Variants in DENND3 observed in about 807,000 individuals in gnomAD.
The protein encoded by DENND3 is DENN domain-containing protein 3.
A neutral mutation model predicts 135.1 loss-of-function variants in DENND3; 88 were observed. The ratio of observed to expected loss-of-function variants is 0.65; its 90% confidence interval spans 0.55 to 0.78. DENND3 has a LOEUF of 0.78. DENND3 is among the 30% of genes least tolerant of loss of function. The probability of loss-of-function intolerance (pLI) is 0.00; values close to 1 mark genes in which losing one functional copy is unlikely to be tolerated. For synonymous variants in DENND3, 693 were observed against 712.3 expected (o/e 0.97, Z 0.43); for missense variants, 1,392 against 1,688.4 (o/e 0.82, Z 3.08).
chr8:141,189,295 G>A, intron 19 of DENND3, 149 bp downstream of exon 19: 1 of 1,112,164 alleles, frequency 9.0e-7, no homozygotes. Context: ...GCTGGGTGGT[G>A]TCCTCGGTCT....
At chr8:141,145,873 G>T (rs1187928595) in intron 5 of DENND3, among the ~76,000 whole-genome samples, 1 of 125,854 alleles carries the variant, frequency 7.9e-6, no homozygotes, top group African/African-American at 3.1e-5. Context: ...TTTTGAGGCG[G>T]AGTCTTGCTC....
At chr8:141,147,860 T>C (rs1818354148) in intron 5 of DENND3, among the ~76,000 whole-genome samples, 1 of 152,192 alleles carries the variant, frequency 6.6e-6, no homozygotes, top group Non-Finnish European at 1.5e-5. Flanking sequence ...CTCGGATTGC[T>C]GTGTTAGCCA....
chr8:141,161,238 A>T lies in DENND3; in HGVS notation c.1352+451A>T, dbSNP rs1820097820. Reference sequence around the variant, plus strand: ...GAGGGCTCTGTCCCGAGAGGCCTGCATCCAGGGGCTAGTGAGGGACAGACA... The same window carrying T: ...GAGGGCTCTGTCCCGAGAGGCCTGCTTCCAGGGGCTAGTGAGGGACAGACA... On this transcript the variant is annotated intron_variant, in intron 9 of 22. Coordinates refer to ENST00000519811, the MANE Select transcript of DENND3 (RefSeq NM_001352890.3). Among the ~76,000 whole-genome samples, 3 of 152,222 alleles carry T rather than the reference A, an allele frequency of 2.0e-5. No homozygotes were observed. In the South Asian group the frequency reaches 6.2e-4, roughly 32 times the overall value.
At chr8:141,171,844 GCA>G (rs1589660328) in intron 13 of DENND3, among the ~76,000 whole-genome samples, 3 of 148,518 alleles carry the variant, frequency 2.0e-5, no homozygotes, top group Non-Finnish European at 3.0e-5. Context: ...TGGTAGGCGT[GCA>G]CAGTGCCTAG....
intron 10 of DENND3, 33 bp from the exon 11 acceptor site, chr8:141,165,153 C>T (rs749904727): frequency 5.1e-6 from 8 of 1,577,968 alleles, no homozygotes; most frequent in Non-Finnish European, 7.0e-6. Flanking sequence ...GGAGTCGGCA[C>T]AGCCCAGTGA....
rs34463965 is a variant in DENND3, at chr8:141,195,209, A to C, written c.*976A>C. ...GAGACCCTTTGCACCTTTTTACTGT[A>C]ATGTTGAGACTTCATTACTTAAATG... On this transcript the variant is annotated 3_prime_UTR_variant, in exon 23 of 23. Transcript: ENST00000519811. The C allele has an allele frequency of 0.14, 20,586 of 152,356 alleles. 1,781 individuals are homozygous for C. Among genetic ancestry groups the C allele is most frequent in the Non-Finnish European group, 0.19 (12,642 of 68,040 alleles). 9.4% of individuals were successfully genotyped at this position (152,356 alleles called of 1,614,324 possible).
chr8:141,164,155 C>G (rs1820479721), intron 10 of DENND3, among the ~76,000 whole-genome samples: 1 of 152,200 alleles, frequency 6.6e-6, no homozygotes, highest in African/African-American at 2.4e-5. Flanking sequence ...TGCGCTCTGT[C>G]TGCCTCTCTC....
Position 141,182,417 on chromosome 8 carries a change from G to A in DENND3, c.2944+1563G>A. On this transcript the variant is annotated intron_variant, in intron 17 of 22. Transcript: ENST00000519811. The surrounding 1 kb of genome is among the most constrained non-coding windows in gnomAD (Gnocchi z 5.9). The stretch of plus-strand genomic sequence containing the variant: ...AGCCCTACCTGATGTGTCTAAGCCA[G>A]GCTCTGTGCTGACTTCGCCAGAGAT... 1 of 985,450 alleles carries A rather than the reference G, an allele frequency of 1.0e-6. No individual in the cohort carries two copies. The highest frequency in any genetic ancestry group is 1.2e-6 in the Non-Finnish European group (1 of 829,936). 61.0% of individuals were successfully genotyped at this position (985,450 alleles called of 1,614,324 possible).
chr8:141,170,426 C>T (rs776274759), intron 13 of DENND3, among the ~76,000 whole-genome samples: 11 of 152,002 alleles, frequency 7.2e-5, no homozygotes, highest in Non-Finnish European at 1.5e-4. Flanking sequence ...TATATGTGTG[C>T]GAGTGTGCGT....
chr8:141,188,975 C>T lies in DENND3; in HGVS notation c.3085-11C>T, dbSNP rs1824310764. On this transcript the variant is annotated splice_polypyrimidine_tract_variant and intron_variant, in intron 18 of 22. Transcript: ENST00000519811. ...TGACTGATTTCTCACGTTCCCGTGG[C>T]CTCCTGTTAGAACTGCATGGTGATG... 6.2e-7 allele frequency: 1 copy of T among 1,608,692 alleles called. No homozygotes were observed. Among genetic ancestry groups the T allele is most frequent in the Non-Finnish European group, 8.5e-7 (1 of 1,177,748 alleles).
At chr8:141,134,960 G>A (rs113262384) in intron 1 of DENND3, among the ~76,000 whole-genome samples, 1 of 151,688 alleles carries the variant, frequency 6.6e-6, no homozygotes. Flanking sequence ...CCCCCCGCCC[G>A]GCCGAGTAGC....
At chr8:141,189,332 C>G (rs1824373945) in intron 19 of DENND3, among the ~76,000 whole-genome samples, 186 bp downstream of exon 19, 1 of 152,250 alleles carries the variant, frequency 6.6e-6, no homozygotes, top group Non-Finnish European at 1.5e-5. Flanking sequence ...GCGGAGAACC[C>G]ATGACACCAG....
chr8:141,156,666 G>A (rs887479196), intron 8 of DENND3, among the ~76,000 whole-genome samples: 3 of 152,142 alleles, frequency 2.0e-5, no homozygotes, highest in African/African-American at 7.2e-5. Flanking sequence ...GGACAGCCAT[G>A]GCCCCTGCCC....
In DENND3 at chr8:141,182,230, C is replaced by T. The variant is rs1823235767; in HGVS notation, c.2944+1376C>T. 3 of 878,982 alleles carry T rather than the reference C, an allele frequency of 3.4e-6. No individual in the cohort carries two copies. The highest frequency in any genetic ancestry group is 1.8e-5 in the African/African-American group (1 of 54,770). The allele number at this position is 878,982 out of a possible 1,614,324, so 54.4% of individuals were successfully genotyped here. A position where few individuals can be genotyped will look rare whatever the true frequency, so the allele number is the denominator to read the frequency against. ...TCCGCGGCTTCACAGAGCACCTGGC[C>T]ATTCACACACGGAGCTCATGCTTCA... On this transcript the variant is annotated intron_variant, in intron 17 of 22. Transcript: ENST00000519811. The surrounding 1 kb of genome is among the most constrained non-coding windows in gnomAD (Gnocchi z 5.9).
chr8:141,185,708 C>T (rs1343428768), intron 18 of DENND3, among the ~76,000 whole-genome samples: 1 of 151,720 alleles, frequency 6.6e-6, no homozygotes, highest in Non-Finnish European at 1.5e-5. Context: ...TGCCTGTAGT[C>T]CCAGTTACTT....
At chr8:141,132,088 A>G (rs1300430579) in intron 1 of DENND3, among the ~76,000 whole-genome samples, 2 of 152,092 alleles carry the variant, frequency 1.3e-5, no homozygotes, top group Non-Finnish European at 2.9e-5. Context: ...TCAATACATG[A>G]CTGAGTTGAC....
intron 5 of DENND3, among the ~76,000 whole-genome samples, chr8:141,148,350 T>G (rs2154612896): frequency 6.6e-6 from 1 of 152,272 alleles, no homozygotes; most frequent in African/African-American, 2.4e-5. Flanking sequence ...TGATGGTGCA[T>G]GGACCAACAG....
intron 17 of DENND3, among the ~76,000 whole-genome samples, chr8:141,181,731 A>G (rs1259097068): frequency 6.6e-6 from 1 of 152,204 alleles, no homozygotes; most frequent in Non-Finnish European, 1.5e-5. Context: ...TGTGGAAAAC[A>G]AAGGAATACA....
intron 22 of DENND3, 163 bp from the exon 23 acceptor site, chr8:141,193,870 T>C: frequency 6.9e-6 from 5 of 724,750 alleles, no homozygotes; most frequent in South Asian, 1.7e-5. Flanking sequence ...AGAAGGGTCC[T>C]GTGCACCTGC....
Sources: allele counts gnomAD v4.1 joint callset (sites outside exome capture counted in the v4.1 genomes callset), GRCh38; gene constraint gnomAD v4.1.1; non-coding constraint Gnocchi (gnomAD v3.1); transcripts MANE v1.5; gene names NCBI Gene and HGNC (gene_info 2026-07-23, HGNC 2026-07-21).